Variants in TMEM178A observed in about 807,000 individuals in gnomAD.
TMEM178A encodes transmembrane protein 178A, also known as transmembrane protein 178.
A neutral mutation model predicts 29.1 loss-of-function variants in TMEM178A; 12 were observed. The observed-to-expected ratio is 0.41, with a 90% CI of 0.26 to 0.67. The LOEUF is 0.67. TMEM178A is among the 30% of genes least tolerant of loss of function. The probability of loss-of-function intolerance (pLI) is 0.29; values close to 1 mark genes in which losing one functional copy is unlikely to be tolerated. For missense variants in TMEM178A, 366 were observed against 419.1 expected, an observed-to-expected ratio of 0.87 and a Z score of 1.11; for synonymous variants, 210 against 187.2, an observed-to-expected ratio of 1.12 and a Z score of -0.99.
At chr2:39,708,574 A>G (rs1478502702) in intron 3 of TMEM178A, among the ~76,000 whole-genome samples, 1 of 150,700 alleles carries the variant, frequency 6.6e-6, no homozygotes, top group East Asian at 1.9e-4. Context: ...GCGCGCCACC[A>G]TGCCCGGCTA....
chr2:39,716,694 AT>A (rs1263262912), intron 3 of TMEM178A, among the ~76,000 whole-genome samples: 2 of 152,166 alleles, frequency 1.3e-5, no homozygotes, highest in African/African-American at 4.8e-5. Context: ...TAGAACTTTT[AT>A]TGTTTTTAAG....
At chr2:39,665,661 A>C (rs1670109147), upstream of TMEM178A, 1 of 232,698 alleles carries the variant, frequency 4.3e-6, no homozygotes, top group Non-Finnish European at 7.7e-6. Context: ...GGGCGAGAGG[A>C]GTGCGCGGGG....
chr2:39,665,945 C>G lies in TMEM178A; in HGVS notation c.-30C>G, dbSNP rs958542896. ...TTGTGTCTGGCGGCGGCGCGCGAGC[C>G]CACCGGCGGCTGCGGCGGGGCGGGA... is the stretch of plus-strand genomic sequence containing the variant. On this transcript the variant is annotated 5_prime_UTR_variant, in exon 1 of 4. Coordinates refer to ENST00000281961, the MANE Select transcript of TMEM178A (RefSeq NM_152390.3). 1 of 1,343,654 alleles carries G rather than the reference C, an allele frequency of 7.4e-7. No homozygotes were observed. The highest frequency in any genetic ancestry group is 9.5e-7 in the Non-Finnish European group (1 of 1,050,612). 83.2% of individuals were successfully genotyped at this position (1,343,654 alleles called of 1,614,324 possible). A position where few individuals can be genotyped will look rare whatever the true frequency, so the allele number is the denominator to read the frequency against.
intron 1 of TMEM178A, among the ~76,000 whole-genome samples, chr2:39,677,815 G>A (rs1260209806): frequency 6.6e-6 from 1 of 152,038 alleles, no homozygotes; most frequent in Non-Finnish European, 1.5e-5. Context: ...GAATTATGAA[G>A]CAAGAAAACA....
At chr2:39,722,125 T>C (rs1315531775), downstream of TMEM178A, among the ~76,000 whole-genome samples, 3 of 151,402 alleles carry the variant, frequency 2.0e-5, no homozygotes, top group Admixed American at 6.6e-5. Context: ...GGAGACAAAA[T>C]TGTGCCTGGA....
At chr2:39,678,890 C>T (rs144159103) in intron 1 of TMEM178A, among the ~76,000 whole-genome samples, 1,853 of 152,298 alleles carry the variant, frequency 0.012, 78 homozygotes, top group Admixed American at 0.082. Flanking sequence ...TTTCGTATCT[C>T]TGTGTCATTG....
intron 1 of TMEM178A, among the ~76,000 whole-genome samples, chr2:39,677,819 G>A (rs879296124): frequency 5.3e-5 from 8 of 151,972 alleles, no homozygotes; most frequent in Admixed American, 4.6e-4. Flanking sequence ...TATGAAGCAA[G>A]AAAACAATCT....
At chr2:39,713,215 C>G (rs1453771831) in intron 3 of TMEM178A, among the ~76,000 whole-genome samples, 1 of 152,202 alleles carries the variant, frequency 6.6e-6, no homozygotes, top group Non-Finnish European at 1.5e-5. Context: ...TAAACTATCT[C>G]TAATATACCA....
At chr2:39,703,051 A>G (rs2160199) in intron 1 of TMEM178A, among the ~76,000 whole-genome samples, 90,827 of 152,048 alleles carry the variant, frequency 0.6, 29,321 homozygotes, top group East Asian at 0.84. Flanking sequence ...TCCCTTCACT[A>G]TATAATCTTT....
rs150648441 is a variant in TMEM178A at position 39,715,170 on chromosome 2, A to G, written c.653-1840A>G. Among the ~76,000 whole-genome samples the G allele has an allele frequency of 2.7e-3, 418 of 152,362 alleles. 1 individual carries two copies. The highest frequency in any genetic ancestry group is 9.5e-3 in the African/African-American group (396 of 41,590). ...AGTCTAGGTTTGAACTCAAGCTTTC[A>G]TAGGTCATTAAAACAATGTTACTTG... On this transcript the variant is annotated intron_variant, in intron 3 of 3. Coordinates refer to ENST00000281961, the MANE Select transcript of TMEM178A (RefSeq NM_152390.3).
downstream of TMEM178A, among the ~76,000 whole-genome samples, chr2:39,721,985 C>CAA (rs57605942): frequency 1.1e-3 from 45 of 40,094 alleles, 1 homozygote; most frequent in African/African-American, 2.8e-3. Flanking sequence ...AGACCAGTCT[C>CAA]AAAAAAAAAA....
chr2:39,681,708 A>G (rs1456495683), intron 1 of TMEM178A, among the ~76,000 whole-genome samples: 1 of 152,194 alleles, frequency 6.6e-6, no homozygotes, highest in Non-Finnish European at 1.5e-5. Flanking sequence ...AACTGAAATT[A>G]CTCTGTAGTA....
chr2:39,688,920 A>G (rs1671196879), intron 1 of TMEM178A, among the ~76,000 whole-genome samples: 1 of 152,222 alleles, frequency 6.6e-6, no homozygotes, highest in Admixed American at 6.5e-5. Context: ...GCAGCAGCCC[A>G]TCTAGTAAAG....
rs138620288 is a variant in TMEM178A at position 39,702,773 on chromosome 2, G to A, written c.401-1308G>A. Among the ~76,000 whole-genome samples the A allele has an allele frequency of 5.7e-4, 87 of 152,172 alleles. 3 individuals are homozygous for A. In the East Asian group the frequency reaches 0.015, roughly 27 times the overall value. ...CTTCCAAAAATCAGAGATAGTTTGG[G>A]TAGTTTTTCTCAAAGGGAGATTCAG... On this transcript the variant is annotated intron_variant, in intron 1 of 3. Coordinates refer to ENST00000281961, the MANE Select transcript of TMEM178A (RefSeq NM_152390.3).
the TMEM178A span, among the ~76,000 whole-genome samples, chr2:39,732,094 G>A: frequency 6.6e-6 from 1 of 152,040 alleles, no homozygotes; most frequent in South Asian, 2.1e-4. Flanking sequence ...ACATGTTGAG[G>A]ATCTGCCTCT....
Position 39,666,214 on chromosome 2 carries a change from C to A in TMEM178A, c.240C>A (p.Gly80=), listed in dbSNP as rs572019351. Residue 80 remains glycine, a synonymous_variant, in exon 1 of 4, where the codon GGC becomes GGA. Coordinates refer to ENST00000281961, the MANE Select transcript of TMEM178A (RefSeq NM_152390.3). ...CGCTGGGGCGCCGGCTGCTCCCGGGCGGCCCGGGGCGCGCCGACCCCGAGT... is the reference window on the plus strand; with the variant it reads ...CGCTGGGGCGCCGGCTGCTCCCGGGAGGCCCGGGGCGCGCCGACCCCGAGT... ...SPPLGRRLLP[G]GPGRADPESW... 800 of 1,349,240 alleles carry A rather than the reference C, an allele frequency of 5.9e-4. 3 individuals carry two copies. The highest frequency in any genetic ancestry group is 6.0e-4 in the Non-Finnish European group (631 of 1,059,746). The allele number at this position is 1,349,240 out of a possible 1,614,324, so 83.6% of individuals were successfully genotyped here. A position where few individuals can be genotyped will look rare whatever the true frequency, so the allele number is the denominator to read the frequency against.
chr2:39,730,162 C>T, the TMEM178A span, among the ~76,000 whole-genome samples: 1 of 152,110 alleles, frequency 6.6e-6, no homozygotes, highest in Non-Finnish European at 1.5e-5. Flanking sequence ...GGCAGTCTTA[C>T]CTCTTAATTC....
intron 1 of TMEM178A, among the ~76,000 whole-genome samples, chr2:39,674,297 A>C (rs1185742193): frequency 6.6e-6 from 1 of 152,256 alleles, no homozygotes; most frequent in African/African-American, 2.4e-5. Flanking sequence ...AGAGTGGATA[A>C]AGAAACTGTG....
At chr2:39,682,159 C>A (rs1326047496) in intron 1 of TMEM178A, among the ~76,000 whole-genome samples, 2 of 152,172 alleles carry the variant, frequency 1.3e-5, no homozygotes, top group Non-Finnish European at 2.9e-5. Flanking sequence ...CTAAAACCTA[C>A]CTCTCTGTGC....
Sources: allele counts gnomAD v4.1 joint callset (sites outside exome capture counted in the v4.1 genomes callset), GRCh38; gene constraint gnomAD v4.1.1; transcripts MANE v1.5; gene names NCBI Gene and HGNC (gene_info 2026-07-23, HGNC 2026-07-21).